Variants in SBSPON observed in about 807,000 individuals in gnomAD.
SBSPON encodes the protein somatomedin-B and thrombospondin type-1 domain-containing protein.
Under a neutral mutation model 35.8 loss-of-function variants are expected in SBSPON, and 30 were observed. That is an observed-to-expected ratio of 0.84 (90% CI 0.63 to 1.14). The LOEUF (loss-of-function observed/expected upper bound fraction) is 1.14, where lower values mean the gene tolerates loss of function less well. Among genes scored for constraint, SBSPON ranks in the 50% most tolerant of loss-of-function variants. The pLI is 0.00. For synonymous variants in SBSPON, 136 were observed against 135.9 expected (o/e 1.00, Z 0.00); for missense variants, 364 against 357.7 (o/e 1.02, Z -0.14).
intron 1 of SBSPON, among the ~76,000 whole-genome samples, chr8:73,084,088 A>AT (rs1810770432): frequency 6.6e-6 from 1 of 152,230 alleles, no homozygotes; most frequent in African/African-American, 2.4e-5. Context: ...AAAAAGCTAA[A>AT]AGCTCTGCTG....
intron 1 of SBSPON, among the ~76,000 whole-genome samples, chr8:73,089,096 T>C (rs1810886809): frequency 6.6e-6 from 1 of 152,222 alleles, no homozygotes; most frequent in Non-Finnish European, 1.5e-5. Context: ...TATATTAATA[T>C]TTTTGAGGCA....
At chr8:73,087,103 A>C (rs994969395) in intron 1 of SBSPON, among the ~76,000 whole-genome samples, 2 of 152,168 alleles carry the variant, frequency 1.3e-5, no homozygotes, top group East Asian at 3.8e-4. Context: ...TGGAGGGAGA[A>C]GCCTTGCTCA....
rs1158383583 is a variant in SBSPON at position 73,065,182 on chromosome 8, A to G, written c.*2159T>C. 1.3e-5 allele frequency: 2 copies of G among 152,212 alleles called. No homozygotes were observed. Among genetic ancestry groups the G allele is most frequent in the African/African-American group, 4.8e-5 (2 of 41,438 alleles). The allele number at this position is 152,212 out of a possible 1,614,324, so 9.4% of individuals were successfully genotyped here. A position where few individuals can be genotyped will look rare whatever the true frequency, so the allele number is the denominator to read the frequency against. On this transcript the variant is annotated 3_prime_UTR_variant, in exon 5 of 5. Coordinates refer to ENST00000297354, the MANE Select transcript of SBSPON (RefSeq NM_153225.4). ...TAGAAATAACAAAAATTTAACTTCA[A>G]TAAGAAAGCAATTACTGGTCATCCA...
intron 2 of SBSPON, among the ~76,000 whole-genome samples, chr8:73,080,311 G>C (rs1045350778): frequency 6.6e-6 from 1 of 151,988 alleles, no homozygotes; most frequent in Non-Finnish European, 1.5e-5. Flanking sequence ...TCAGGAGATC[G>C]AGACCATCCT....
At chr8:73,090,665 T>C (rs1219134500) in intron 1 of SBSPON, among the ~76,000 whole-genome samples, 5 of 152,208 alleles carry the variant, frequency 3.3e-5, no homozygotes, top group Non-Finnish European at 7.3e-5. Context: ...AGCTTTTCAG[T>C]CCCCCACCTG....
chr8:73,079,123 A>C (rs1323051339), intron 2 of SBSPON, among the ~76,000 whole-genome samples: 1 of 152,184 alleles, frequency 6.6e-6, no homozygotes, highest in Non-Finnish European at 1.5e-5. Context: ...AAACAGGCAG[A>C]TTTTTAGCCA....
At chr8:73,070,844 T>A (rs765166651) in intron 3 of SBSPON, among the ~76,000 whole-genome samples, 10 of 152,188 alleles carry the variant, frequency 6.6e-5, no homozygotes, top group Non-Finnish European at 5.9e-5. Context: ...AATTATGAGT[T>A]GCAATATGTT....
intron 1 of SBSPON, among the ~76,000 whole-genome samples, chr8:73,089,380 C>T (rs911596421): frequency 6.6e-6 from 1 of 152,098 alleles, no homozygotes; most frequent in African/African-American, 2.4e-5. Flanking sequence ...ATGGTGAAAA[C>T]TTGTTTCTAC....
chr8:73,092,775 T>C (rs1300443286), intron 1 of SBSPON, 79 bp downstream of exon 1: 3 of 1,123,148 alleles, frequency 2.7e-6, no homozygotes, highest in African/African-American at 1.6e-5. Flanking sequence ...GGGACTGAGG[T>C]CCTTGGCACA....
rs781284024 is a variant in SBSPON, at chr8:73,081,041, G to A, written c.387C>T (p.Gly129=). 2.5e-6 allele frequency: 4 copies of A among 1,608,112 alleles called. No homozygotes were observed. Among genetic ancestry groups the A allele is most frequent in the African/African-American group, 1.3e-5 (1 of 74,786 alleles). Residue 129 remains glycine, a synonymous_variant, in exon 2 of 5, where the codon GGC becomes GGT. Transcript: ENST00000297354. ...TACCATAGGTGTGCCCGCAGTCCTG[G>A]CCCTGCGGGGTGGAGTACTCCAGGC... ...AGCLEYSTPQ[G]QDCGHTYVPA...
intron 2 of SBSPON, among the ~76,000 whole-genome samples, chr8:73,080,129 T>C (rs899183339): frequency 2.6e-5 from 4 of 152,168 alleles, no homozygotes; most frequent in Non-Finnish European, 5.9e-5. Flanking sequence ...GGCCCCTCCA[T>C]TGGCCACTCC....
At chr8:73,075,681 G>A in intron 2 of SBSPON, 1 of 351,194 alleles carries the variant, frequency 2.8e-6, no homozygotes, top group Non-Finnish European at 4.0e-6. Context: ...AATTTGCTTT[G>A]AGAATTTCAT....
rs1364930255 is a variant in SBSPON, at chr8:73,081,204, C to T, written c.224G>A (p.Cys75Tyr). 2 of 1,581,124 alleles carry T rather than the reference C, an allele frequency of 1.3e-6. No homozygotes were observed. Among genetic ancestry groups the T allele is most frequent in the South Asian group, 1.2e-5 (1 of 86,292 alleles). The change falls in exon 2 of 5, where the codon TGC becomes TAC. Residue 75 changes from cysteine (C) to tyrosine (Y), a missense_variant. By Grantham distance (194) the Cys-to-Tyr change is radical. Coordinates refer to ENST00000297354, the MANE Select transcript of SBSPON (RefSeq NM_153225.4). ...DYDRACPARPCFVGEWSPWSG... is the reference protein window; with the variant it reads ...DYDRACPARPYFVGEWSPWSG... ...CCAGGGGCTCCATTCCCCCACGAAG[C>T]ACGGGCGAGCTGAAAAACAGCACAA... is the stretch of plus-strand genomic sequence containing the variant.
intron 1 of SBSPON, among the ~76,000 whole-genome samples, chr8:73,084,749 G>GACACACACACAC (rs57178636): frequency 7.4e-6 from 1 of 134,356 alleles, no homozygotes; most frequent in South Asian, 2.7e-4. Flanking sequence ...CCACTACACA[G>GACACACACACAC]ACACACACAC....
intron 3 of SBSPON, among the ~76,000 whole-genome samples, chr8:73,070,557 T>A (rs912022282): frequency 2.0e-5 from 3 of 152,186 alleles, no homozygotes. Context: ...CACAGTTACA[T>A]TGGGCATCGC....
At position 73,081,146 on chromosome 8, in the gene SBSPON, G is replaced by A. The variant is rs1810694594; in HGVS notation, c.282C>T (p.Thr94=). The change falls in exon 2 of 5, where the codon ACC becomes ACT. Residue 94 remains threonine (T), a synonymous_variant. Coordinates refer to ENST00000297354, the MANE Select transcript of SBSPON (RefSeq NM_153225.4). The stretch of plus-strand genomic sequence containing the variant: ...GCTGCACCGAGCGCCTCCGCACACG[G>A]GTTGTAGGCTTGCACTGGTCTGCAC... ...SGCADQCKPT[T]RVRRRSVQQE... 1 of 1,613,224 alleles carries A rather than the reference G, an allele frequency of 6.2e-7. No homozygotes were observed. The highest frequency in any genetic ancestry group is 8.5e-7 in the Non-Finnish European group (1 of 1,179,624).
intron 3 of SBSPON, among the ~76,000 whole-genome samples, chr8:73,070,520 G>T (rs1445944318): frequency 6.6e-6 from 1 of 152,162 alleles, no homozygotes. Context: ...GAGTAATGAT[G>T]ATGAGTTTTG....
At chr8:73,074,613 A>G in intron 2 of SBSPON, 1 of 978,670 alleles carries the variant, frequency 1.0e-6, no homozygotes, top group Non-Finnish European at 1.2e-6. Flanking sequence ...ACAAAGTTCC[A>G]GTACTGTTTG....
intron 4 of SBSPON, among the ~76,000 whole-genome samples, 192 bp downstream of exon 4, chr8:73,069,613 C>T (rs1810453980): frequency 6.6e-6 from 1 of 152,130 alleles, no homozygotes; most frequent in Admixed American, 6.5e-5. Flanking sequence ...GTGTATAGGG[C>T]CTGTGGGTTC....
Sources: gnomAD v4.1 joint callset for allele counts (sites outside exome capture counted in the v4.1 genomes callset) on GRCh38, gnomAD v4.1.1 for gene constraint, MANE v1.5 for transcripts, NCBI Gene and HGNC (gene_info 2026-07-23, HGNC 2026-07-21) for gene names.